KCNQ5: variants seen among roughly 807,000 people sequenced by gnomAD.
KCNQ5 encodes the protein potassium voltage-gated channel subfamily Q member 5.
In KCNQ5, 30 loss-of-function variants were observed where a neutral mutation model predicts 98.2. That is an observed-to-expected ratio of 0.31 (90% CI 0.23 to 0.41). KCNQ5 has a LOEUF of 0.41. Among genes scored for constraint, KCNQ5 ranks in the 10% least tolerant of loss-of-function variants. KCNQ5 has a pLI of 1.00. For synonymous variants in KCNQ5, 458 were observed against 449.4 expected, an observed-to-expected ratio of 1.02 and a Z score of -0.24; for missense variants, 835 against 1,182.5, an observed-to-expected ratio of 0.71 and a Z score of 4.31.
chr6:73,106,954 T>A (rs1406618860), intron 6 of KCNQ5, among the ~76,000 whole-genome samples: 1 of 115,336 alleles, frequency 8.7e-6, no homozygotes, highest in African/African-American at 3.3e-5. Flanking sequence ...AACAAAATGA[T>A]GAAATCCAGG....
At chr6:73,094,294 TG>T (rs1371816974) in intron 5 of KCNQ5, among the ~76,000 whole-genome samples, 2 of 152,186 alleles carry the variant, frequency 1.3e-5, no homozygotes, top group Non-Finnish European at 2.9e-5. Context: ...AGACTCCTTA[TG>T]TGTTAGGTGA....
intron 1 of KCNQ5, among the ~76,000 whole-genome samples, chr6:72,664,631 G>A (rs1371713465): frequency 1.3e-5 from 2 of 151,720 alleles, no homozygotes; most frequent in African/African-American, 4.9e-5. Context: ...ACTCCAGCCT[G>A]GGCAACAGAG....
chr6:72,779,587 A>G (rs774860419), intron 1 of KCNQ5, among the ~76,000 whole-genome samples: 7 of 152,146 alleles, frequency 4.6e-5, no homozygotes, highest in African/African-American at 7.2e-5. Flanking sequence ...GAGAGTAGGC[A>G]AAGGAATTAC....
intron 1 of KCNQ5, among the ~76,000 whole-genome samples, chr6:72,883,964 A>C (rs1778753710): frequency 2.0e-5 from 3 of 152,202 alleles, no homozygotes; most frequent in Admixed American, 2.0e-4. Flanking sequence ...ACTCTATATG[A>C]CATAGTGATC....
intron 1 of KCNQ5, among the ~76,000 whole-genome samples, chr6:72,696,548 G>T (rs1408394895): frequency 6.6e-6 from 1 of 152,206 alleles, no homozygotes; most frequent in East Asian, 1.9e-4. Context: ...GATCTATTTT[G>T]CAATTTTTCT....
At chr6:72,811,592 C>G (rs1046252656) in intron 1 of KCNQ5, among the ~76,000 whole-genome samples, 1 of 152,140 alleles carries the variant, frequency 6.6e-6, no homozygotes, top group South Asian at 2.1e-4. Context: ...CTTCTATACT[C>G]CTATAGCTCT....
At chr6:72,928,040 T>C (rs1765516651) in intron 1 of KCNQ5, among the ~76,000 whole-genome samples, 1 of 152,056 alleles carries the variant, frequency 6.6e-6, no homozygotes. Context: ...AATTACATGC[T>C]AAGAAATGTG....
intron 1 of KCNQ5, among the ~76,000 whole-genome samples, chr6:72,712,218 C>T (rs1462882917): frequency 6.6e-5 from 10 of 151,914 alleles, no homozygotes; most frequent in African/African-American, 2.4e-5. Context: ...AGAATAAAAC[C>T]CTGGGGAACA....
intron 1 of KCNQ5, among the ~76,000 whole-genome samples, chr6:72,919,598 T>C (rs1780302327): frequency 1.3e-5 from 2 of 152,260 alleles, no homozygotes; most frequent in South Asian, 4.1e-4. Context: ...GATTCAAACC[T>C]ACACATCTGG....
chr6:73,180,282 CACA>C (rs1405282092), intron 11 of KCNQ5, among the ~76,000 whole-genome samples: 3 of 152,212 alleles, frequency 2.0e-5, no homozygotes, highest in African/African-American at 4.8e-5. Context: ...CAATACTCAG[CACA>C]ACGTCATAGG....
chr6:73,018,836 C>T (rs9446822), intron 2 of KCNQ5, among the ~76,000 whole-genome samples: 4 of 152,080 alleles, frequency 2.6e-5, no homozygotes, highest in African/African-American at 9.7e-5. Context: ...TTATTTTTCT[C>T]ATATAATAGC....
intron 1 of KCNQ5, among the ~76,000 whole-genome samples, chr6:72,633,130 G>A (rs570812096): frequency 6.6e-6 from 1 of 152,216 alleles, no homozygotes; most frequent in Non-Finnish European, 1.5e-5. Flanking sequence ...CATTCTGATG[G>A]TATGAGGTGG....
At chr6:72,635,670 G>GTTTTTTTTTTTTTTTTTTTTTTT (rs528990234) in intron 1 of KCNQ5, among the ~76,000 whole-genome samples, 2 of 65,064 alleles carry the variant, frequency 3.1e-5, no homozygotes, top group Admixed American at 1.6e-4. Flanking sequence ...ATTGCTCCTA[G>GTTTTTTTTTTTTTTTTTTTTTTT]TTTTTTTTTT....
intron 1 of KCNQ5, among the ~76,000 whole-genome samples, chr6:72,768,813 T>G (rs1322389235): frequency 2.6e-5 from 4 of 152,096 alleles, no homozygotes; most frequent in Admixed American, 6.6e-5. Flanking sequence ...GTAAAAAAAT[T>G]TATTTTCATT....
chr6:72,722,724 A>T (rs1262236618), intron 1 of KCNQ5, among the ~76,000 whole-genome samples: 1 of 152,068 alleles, frequency 6.6e-6, no homozygotes, highest in Non-Finnish European at 1.5e-5. Flanking sequence ...TTGACATTTT[A>T]TTAATATGTT....
chr6:73,026,094 C>G (rs1302952009), intron 2 of KCNQ5, among the ~76,000 whole-genome samples: 1 of 152,184 alleles, frequency 6.6e-6, no homozygotes. Context: ...CGGATCATCT[C>G]CAGGTGCCCA....
At chr6:73,007,769 TG>T (rs571522174) in intron 2 of KCNQ5, among the ~76,000 whole-genome samples, 4 of 152,202 alleles carry the variant, frequency 2.6e-5, no homozygotes, top group Non-Finnish European at 5.9e-5. Context: ...TTGCTGCTTC[TG>T]ATCACAGAGG....
chr6:72,849,154 G>A (rs60052894), intron 1 of KCNQ5, among the ~76,000 whole-genome samples: 12,071 of 151,116 alleles, frequency 0.08, 493 homozygotes, highest in East Asian at 0.12. Context: ...ATATGCACAC[G>A]CACATGCACA....
chr6:72,886,308 A>G (rs527862255), intron 1 of KCNQ5, among the ~76,000 whole-genome samples: 1 of 152,182 alleles, frequency 6.6e-6, no homozygotes, highest in African/African-American at 2.4e-5. Flanking sequence ...GGAAATTATT[A>G]TGTGTATGTA....
Sources: allele counts gnomAD v4.1 joint callset (sites outside exome capture counted in the v4.1 genomes callset), GRCh38; gene constraint gnomAD v4.1.1; transcripts MANE v1.5; gene names NCBI Gene and HGNC (gene_info 2026-07-23, HGNC 2026-07-21).